KATNIP: variants seen among roughly 807,000 people sequenced by gnomAD.
KATNIP encodes the protein katanin interacting protein.
Under a neutral mutation model 174.0 loss-of-function variants are expected in KATNIP, and 126 were observed. The observed-to-expected ratio is 0.72, with a 90% CI of 0.63 to 0.84. The LOEUF (loss-of-function observed/expected upper bound fraction) is 0.84, where lower values mean the gene tolerates loss of function less well. Among genes scored for constraint, KATNIP ranks in the 40% least tolerant of loss-of-function variants. KATNIP has a pLI of 0.00. For missense variants in KATNIP, 1,958 were observed against 2,109.7 expected (o/e 0.93, Z 1.41); for synonymous variants, 810 against 835.7 (o/e 0.97, Z 0.53).
intron 5 of KATNIP, among the ~76,000 whole-genome samples, chr16:27,642,775 T>C (rs2076840923): frequency 6.6e-6 from 1 of 150,512 alleles, no homozygotes; most frequent in Non-Finnish European, 1.5e-5. Context: ...AAAAATTTTT[T>C]TTTTTTTTTT....
chr16:27,661,397 T>G (rs2077468731), intron 6 of KATNIP, among the ~76,000 whole-genome samples: 1 of 152,042 alleles, frequency 6.6e-6, no homozygotes, highest in African/African-American at 2.4e-5. Context: ...GGTTTCTTTC[T>G]TTTCTTTTTT....
intron 2 of KATNIP, among the ~76,000 whole-genome samples, chr16:27,617,403 C>G (rs2076072658): frequency 6.6e-6 from 1 of 152,202 alleles, no homozygotes; most frequent in Non-Finnish European, 1.5e-5. Context: ...AGGGTATCAG[C>G]AAAGTCCCGG....
At chr16:27,630,087 A>T (rs185040789) in intron 4 of KATNIP, among the ~76,000 whole-genome samples, 26 of 152,264 alleles carry the variant, frequency 1.7e-4, no homozygotes, top group African/African-American at 6.3e-4. Flanking sequence ...AGTAGCTGTC[A>T]GAATGCCTTT....
rs374427375 is a variant in KATNIP at position 27,648,732 on chromosome 16, G to A, written c.537G>A (p.Pro179=). 19 of 1,612,864 alleles carry A rather than the reference G, an allele frequency of 1.2e-5. No individual in the cohort carries two copies. The highest frequency in any genetic ancestry group is 8.9e-5 in the East Asian group (4 of 44,860). ...LQANNTSEDR[P]QELRRSLELS... is the part of the protein sequence containing the mutation. ...CAAACAACACTTCTGAGGATCGTCC[G>A]CAGGTAGGGATGGCCTTGGCCTTGT... Residue 179 remains proline, a synonymous_variant, in exon 6 of 28, where the codon CCG becomes CCA. Coordinates refer to ENST00000261588, the MANE Select transcript of KATNIP (RefSeq NM_015202.5).
chr16:27,696,583 G>A (rs1039208791), intron 8 of KATNIP, among the ~76,000 whole-genome samples: 4 of 152,176 alleles, frequency 2.6e-5, no homozygotes, highest in African/African-American at 7.2e-5. Flanking sequence ...GTGAGAGCAT[G>A]CAATATTTGG....
chr16:27,687,997 A>G (rs1177118502), intron 8 of KATNIP, among the ~76,000 whole-genome samples: 1 of 152,246 alleles, frequency 6.6e-6, no homozygotes, highest in African/African-American at 2.4e-5. Context: ...ATTCCAGAAT[A>G]GTAGAATTGG....
chr16:27,749,491 A>T, intron 15 of KATNIP, 93 bp from the exon 16 acceptor site: 1 of 1,430,096 alleles, frequency 7.0e-7, no homozygotes, highest in Non-Finnish European at 9.3e-7. Context: ...GCCCTGCCTC[A>T]CTGAGAGCCA....
intron 1 of KATNIP, among the ~76,000 whole-genome samples, chr16:27,555,409 C>T (rs2089576509): frequency 6.6e-6 from 1 of 152,194 alleles, no homozygotes; most frequent in South Asian, 2.1e-4. Context: ...CCAGATAGCC[C>T]TGGATTTGAA....
chr16:27,703,938 T>C lies in KATNIP; in HGVS notation c.1329T>C (p.Ser443=), dbSNP rs370717394. Reference sequence around the variant, plus strand: ...TGAAAGTCCTCCAGGCCGTCGAAAGTGACTCTGCCCATCTCGGCAGGGTGG... The same window carrying C: ...TGAAAGTCCTCCAGGCCGTCGAAAGCGACTCTGCCCATCTCGGCAGGGTGG... ...KLLKVLQAVE[S]DSAHLGRVVS... The change falls in exon 12 of 28, where the codon AGT becomes AGC. Residue 443 remains serine (S), a synonymous_variant. Coordinates refer to ENST00000261588, the MANE Select transcript of KATNIP (RefSeq NM_015202.5). The C allele has an allele frequency of 8.7e-6, 14 of 1,614,122 alleles. No individual in the cohort carries two copies. Among genetic ancestry groups the C allele is most frequent in the Non-Finnish European group, 1.1e-5 (13 of 1,180,050 alleles).
chr16:27,774,933 A>T lies in KATNIP; in HGVS notation c.4310-12A>T. 6.2e-7 allele frequency: 1 copy of T among 1,613,596 alleles called. No individual in the cohort carries two copies. Among genetic ancestry groups the T allele is most frequent in the Admixed American group, 1.7e-5 (1 of 59,998 alleles). On this transcript the variant is annotated splice_polypyrimidine_tract_variant and intron_variant, in intron 23 of 27. Transcript: ENST00000261588. ...ACAGATTTGGGTTATGGCAACTTAG[A>T]CGTCTCCTCAGATATTGCGGCCTTC...
At chr16:27,643,739 A>C (rs2076874382) in intron 5 of KATNIP, among the ~76,000 whole-genome samples, 2 of 152,138 alleles carry the variant, frequency 1.3e-5, no homozygotes, top group African/African-American at 4.8e-5. Context: ...AGTTCTGTCC[A>C]AACTACTAGA....
chr16:27,647,508 A>AT (rs564224630), intron 5 of KATNIP, among the ~76,000 whole-genome samples: 120,739 of 140,896 alleles, frequency 0.86, 51,639 homozygotes, highest in African/African-American at 0.91. Flanking sequence ...CACCTGGCTA[A>AT]TTTTTTTTTT....
rs891342054 is a variant in KATNIP, at chr16:27,761,548, A to G, written c.3767A>G (p.Asn1256Ser). The G allele has an allele frequency of 7.4e-6, 12 of 1,613,990 alleles. No individual in the cohort carries two copies. The highest frequency in any genetic ancestry group is 1.0e-5 in the Non-Finnish European group (12 of 1,180,028). ...ATCTCTGCTTCCCCCAGAGACTTAA[A>G]TGAGCTCCCCGAGTACTCTGACGAC... ...HQISASPRDLNELPEYSDDSR... is the reference protein window; with the variant it reads ...HQISASPRDLSELPEYSDDSR... Residue 1256 changes from asparagine (N) to serine (S), a missense_variant, in exon 19 of 28, where the codon AAT (asparagine) becomes AGT (serine). Asn to Ser is a conservative substitution (Grantham distance 46). This residue lies in a region of KATNIP where 1,557 missense variants were observed against 1,617.8 expected (regional missense o/e 0.96). Coordinates refer to ENST00000261588, the MANE Select transcript of KATNIP (RefSeq NM_015202.5).
chr16:27,646,293 T>A (rs971396707), intron 5 of KATNIP, among the ~76,000 whole-genome samples: 1 of 152,194 alleles, frequency 6.6e-6, no homozygotes, highest in African/African-American at 2.4e-5. Context: ...CAGCAGCTCC[T>A]GATAGACTTC....
intron 18 of KATNIP, among the ~76,000 whole-genome samples, chr16:27,759,161 T>C (rs1270472983): frequency 6.6e-6 from 1 of 152,228 alleles, no homozygotes; most frequent in Non-Finnish European, 1.5e-5. Context: ...GCTCCGGGGA[T>C]ACAGCAGTGA....
At chr16:27,625,293 T>C (rs2142114228) in intron 3 of KATNIP, among the ~76,000 whole-genome samples, 1 of 152,332 alleles carries the variant, frequency 6.6e-6, no homozygotes, top group East Asian at 1.9e-4. Context: ...ACCCGTGGAC[T>C]GCCAGTCTCA....
intron 20 of KATNIP, among the ~76,000 whole-genome samples, chr16:27,767,853 C>T (rs988522860): frequency 2.1e-4 from 32 of 152,318 alleles, no homozygotes; most frequent in Middle Eastern, 3.4e-3. Flanking sequence ...CGCCCTGTGT[C>T]TCTATGAACG....
At position 27,672,172 on chromosome 16, in the gene KATNIP, G is replaced by A. The variant is rs184664563; in HGVS notation, c.541-5557G>A. On this transcript the variant is annotated intron_variant, in intron 6 of 27. Coordinates refer to ENST00000261588, the MANE Select transcript of KATNIP (RefSeq NM_015202.5). Reference sequence around the variant, plus strand: ...AACAAAATCCACACTCTTCCCTGAGGCCCACAAAGCCCTGTCCCCCGTGAC... The same window carrying A: ...AACAAAATCCACACTCTTCCCTGAGACCCACAAAGCCCTGTCCCCCGTGAC... Among the ~76,000 whole-genome samples, 76 of 152,190 alleles carry A rather than the reference G, an allele frequency of 5.0e-4. 1 individual carries two copies. The highest frequency in any genetic ancestry group is 1.8e-3 in the African/African-American group (74 of 41,530).
chr16:27,751,049 C>T (rs1317450525), intron 16 of KATNIP, among the ~76,000 whole-genome samples: 2 of 152,042 alleles, frequency 1.3e-5, no homozygotes, highest in East Asian at 1.9e-4. Flanking sequence ...CCACTCATCC[C>T]CTCTTACAGC....
Sources: gnomAD v4.1 joint callset for allele counts (sites outside exome capture counted in the v4.1 genomes callset) on GRCh38, gnomAD v4.1.1 for gene constraint, gnomAD v4.1.1 regional missense constraint, MANE v1.5 for transcripts, NCBI Gene and HGNC (gene_info 2026-07-23, HGNC 2026-07-21) for gene names.